EFCAB8: variants seen among roughly 807,000 people sequenced by gnomAD.
EFCAB8 encodes the protein EF-hand calcium binding domain 8.
Under a neutral mutation model 116.3 loss-of-function variants are expected in EFCAB8, and 100 were observed. The ratio of observed to expected loss-of-function variants is 0.86; its 90% CI spans 0.73 to 1.02. EFCAB8 has a LOEUF of 1.02. EFCAB8 is among the 50% of genes least tolerant of loss of function. EFCAB8 has a pLI of 0.00. For synonymous variants in EFCAB8, 558 were observed against 567.9 expected (o/e 0.98, Z 0.25); for missense variants, 1,320 against 1,416.9 (o/e 0.93, Z 1.10).
chr20:32,959,235 A>C (rs1989066635), intron 24 of EFCAB8, among the ~76,000 whole-genome samples: 1 of 152,212 alleles, frequency 6.6e-6, no homozygotes. Context: ...TTATGTGATA[A>C]GTAATGAGAG....
intron 20 of EFCAB8, among the ~76,000 whole-genome samples, chr20:32,924,378 T>C (rs926665598): frequency 3.4e-4 from 51 of 152,232 alleles, no homozygotes; most frequent in Non-Finnish European, 1.6e-4. Flanking sequence ...GTGTTGTTTT[T>C]ATTTTGTCCA....
chr20:32,867,748 G>A lies in EFCAB8; in HGVS notation c.208+1G>A, dbSNP rs1277581170. On this transcript the variant is annotated splice_donor_variant, in intron 3 of 26. Coordinates refer to ENST00000400522, the MANE Select transcript of EFCAB8 (RefSeq NM_001143967.2). LOFTEE classifies it high-confidence loss of function. ...GAGGAGGACATCAACTCGACTGGAGGTAAGGCCGCTCTGTAGGCTCGGTTT... is the reference window on the plus strand; with the variant it reads ...GAGGAGGACATCAACTCGACTGGAGATAAGGCCGCTCTGTAGGCTCGGTTT... The A allele has an allele frequency of 6.4e-7, 1 of 1,550,910 alleles. No homozygotes were observed. The highest frequency in any genetic ancestry group is 8.7e-7 in the Non-Finnish European group (1 of 1,146,790).
At chr20:32,874,025 A>C (rs1485148456) in intron 3 of EFCAB8, among the ~76,000 whole-genome samples, 2 of 151,776 alleles carry the variant, frequency 1.3e-5, no homozygotes, top group East Asian at 3.9e-4. Flanking sequence ...GGCTCAAGCA[A>C]TCCTCCCAGC....
chr20:32,882,090 C>T (rs1302157818), intron 5 of EFCAB8, among the ~76,000 whole-genome samples: 3 of 151,962 alleles, frequency 2.0e-5, no homozygotes, highest in African/African-American at 7.3e-5. Context: ...CCCAGCTACT[C>T]GGGAGGCTGA....
chr20:32,928,765 G>T (rs1465638033), intron 20 of EFCAB8, among the ~76,000 whole-genome samples: 1 of 152,128 alleles, frequency 6.6e-6, no homozygotes, highest in African/African-American at 2.4e-5. Flanking sequence ...AGTGGCAAAA[G>T]TGGACATTCT....
intron 3 of EFCAB8, among the ~76,000 whole-genome samples, chr20:32,870,862 T>C (rs1023867039): frequency 8.6e-5 from 5 of 58,038 alleles, no homozygotes; most frequent in South Asian, 4.6e-4. Flanking sequence ...TCTTCTTCTT[T>C]TTTTTTTTTT....
At chr20:32,939,251 C>T (rs1333956041) in intron 22 of EFCAB8, among the ~76,000 whole-genome samples, 2 of 125,604 alleles carry the variant, frequency 1.6e-5, no homozygotes, top group African/African-American at 6.2e-5. Flanking sequence ...TGCCTTCCTT[C>T]CTTCCATATT....
In EFCAB8 at chr20:32,907,429, G is replaced by A. The variant is rs1439663886; in HGVS notation, c.1308+435G>A. Among the ~76,000 whole-genome samples, 9 of 152,214 alleles carry A rather than the reference G, an allele frequency of 5.9e-5. 1 individual carries two copies. The East Asian group carries it at 1.5e-3, about 26-fold the overall frequency. ...CCCTCCTCGGCTGCCTGGCCATGAG[G>A]GCTGGGCTTGGCCTTTCCCACATGC... On this transcript the variant is annotated intron_variant, in intron 13 of 26. Transcript: ENST00000400522.
At chr20:32,859,701 G>T (rs1407470541) in intron 1 of EFCAB8, among the ~76,000 whole-genome samples, 1 of 152,140 alleles carries the variant, frequency 6.6e-6, no homozygotes. Context: ...CATGTTACTT[G>T]TTAAACCATT....
chr20:32,899,266 G>A lies in EFCAB8; in HGVS notation c.1088+643G>A, dbSNP rs528072424. 1.7e-3 allele frequency among the ~76,000 whole-genome samples: 264 copies of A among 151,002 alleles called. 1 individual carries two copies. The highest frequency in any genetic ancestry group is 6.2e-3 in the African/African-American group (253 of 41,124). On this transcript the variant is annotated intron_variant, in intron 11 of 26. Coordinates refer to ENST00000400522, the MANE Select transcript of EFCAB8 (RefSeq NM_001143967.2). Reference sequence around the variant, plus strand: ...TAATAATAATAATAATTAGCCGGGCGTGGTGGTAAGCACCTGTAGTCCCAG... The same window carrying A: ...TAATAATAATAATAATTAGCCGGGCATGGTGGTAAGCACCTGTAGTCCCAG...
At chr20:32,863,599 T>C (rs1022188576) in intron 1 of EFCAB8, among the ~76,000 whole-genome samples, 184 bp from the exon 2 acceptor site, 2 of 152,202 alleles carry the variant, frequency 1.3e-5, no homozygotes, top group Admixed American at 1.3e-4. Context: ...AGCTTTTTGC[T>C]GGAGAAATCT....
At chr20:32,928,854 A>G (rs950277262) in intron 20 of EFCAB8, among the ~76,000 whole-genome samples, 50 of 150,424 alleles carry the variant, frequency 3.3e-4, no homozygotes, top group African/African-American at 1.2e-3. Flanking sequence ...TTTTTCATAT[A>G]TGGCTTTTAT....
chr20:32,892,423 C>A, intron 8 of EFCAB8, 126 bp downstream of exon 8: 1 of 795,538 alleles, frequency 1.3e-6, no homozygotes, highest in Non-Finnish European at 2.0e-6. Context: ...TATCTCCCCA[C>A]TGGCTCCAAG....
intron 3 of EFCAB8, 21 bp downstream of exon 3, chr20:32,867,768 C>T (rs1228352636): frequency 4.5e-6 from 7 of 1,547,968 alleles, no homozygotes; most frequent in African/African-American, 4.1e-5. Context: ...TCTGTAGGCT[C>T]GGTTTTTGTG....
intron 3 of EFCAB8, among the ~76,000 whole-genome samples, chr20:32,869,076 G>A (rs1284557877): frequency 6.6e-6 from 1 of 152,144 alleles, no homozygotes; most frequent in African/African-American, 2.4e-5. Flanking sequence ...GTTGTTGGCA[G>A]AATTCAGTTC....
At chr20:32,879,195 G>T (rs1054707665) in intron 5 of EFCAB8, among the ~76,000 whole-genome samples, 1 of 152,208 alleles carries the variant, frequency 6.6e-6, no homozygotes, top group African/African-American at 2.4e-5. Context: ...AGGGGCACAG[G>T]TGGCACAGGT....
At chr20:32,900,119 C>G (rs1358363600) in intron 11 of EFCAB8, among the ~76,000 whole-genome samples, 2 of 152,074 alleles carry the variant, frequency 1.3e-5, no homozygotes, top group African/African-American at 2.4e-5. Context: ...TGGGGAGAGA[C>G]TGGGTGAGGC....
At position 32,885,562 on chromosome 20, in the gene EFCAB8, C is replaced by A; in HGVS notation, c.489C>A (p.Ile163=). 3.2e-6 allele frequency: 5 copies of A among 1,551,728 alleles called. No individual in the cohort carries two copies. The highest frequency in any genetic ancestry group is 4.4e-6 in the Non-Finnish European group (5 of 1,146,998). The stretch of plus-strand genomic sequence containing the variant: ...TTTTAATCCACCGGTTCAAGAAGAT[C>A]GGGTGTTTCCTGACTGTCACCAAAG... ...VVFLIHRFKK[I]GCFLTVTKDG... is the part of the protein sequence containing the mutation. The change falls in exon 6 of 27, where the codon ATC becomes ATA. Residue 163 remains isoleucine, a synonymous_variant. Coordinates refer to ENST00000400522, the MANE Select transcript of EFCAB8 (RefSeq NM_001143967.2).
At chr20:32,916,331 C>G (rs1184341284) in intron 17 of EFCAB8, among the ~76,000 whole-genome samples, 1 of 152,102 alleles carries the variant, frequency 6.6e-6, no homozygotes, top group African/African-American at 2.4e-5. Context: ...AATTACAGCT[C>G]ACTGCAGCCT....
Sources: gnomAD v4.1 joint callset for allele counts (sites outside exome capture counted in the v4.1 genomes callset) on GRCh38, gnomAD v4.1.1 for gene constraint, MANE v1.5 for transcripts, NCBI Gene and HGNC (gene_info 2026-07-23, HGNC 2026-07-21) for gene names.